NDRG3: variants seen among roughly 807,000 people sequenced by gnomAD.
NDRG3 encodes the protein NDRG family member 3.
Under a neutral mutation model 57.2 loss-of-function variants are expected in NDRG3, and 23 were observed. That is an observed-to-expected ratio of 0.40 (90% CI 0.29 to 0.57). The LOEUF is 0.57. Among genes scored for constraint, NDRG3 ranks in the 20% least tolerant of loss-of-function variants. The pLI, the probability that NDRG3 is intolerant of heterozygous loss-of-function variation, is 0.42. For missense variants in NDRG3, 384 were observed against 457.3 expected, an observed-to-expected ratio of 0.84 and a Z score of 1.46; for synonymous variants, 132 against 162.6, an observed-to-expected ratio of 0.81 and a Z score of 1.43.
intron 1 of NDRG3, among the ~76,000 whole-genome samples, chr20:36,733,203 T>TATATATATATATATATATGC (rs1490119338): frequency 7.7e-6 from 1 of 130,180 alleles, no homozygotes; most frequent in South Asian, 2.5e-4. Context: ...TATATATATA[T>TATATATATATATATATATGC]GCACATATAA....
At chr20:36,701,863 TAA>T (rs200584072) in intron 3 of NDRG3, among the ~76,000 whole-genome samples, 72 of 116,004 alleles carry the variant, frequency 6.2e-4, no homozygotes, top group Non-Finnish European at 6.3e-4. Context: ...CCTGCATCTT[TAA>T]AAAAAAAAAA....
chr20:36,691,494 A>G (rs1250560200), intron 3 of NDRG3, among the ~76,000 whole-genome samples: 1 of 152,186 alleles, frequency 6.6e-6, no homozygotes, highest in African/African-American at 2.4e-5. Context: ...CAGGCAGATC[A>G]TCTGAGGTCA....
chr20:36,729,454 G>A (rs1246346207), intron 1 of NDRG3, among the ~76,000 whole-genome samples: 2 of 152,268 alleles, frequency 1.3e-5, no homozygotes, highest in East Asian at 3.9e-4. Flanking sequence ...TCTAACATGT[G>A]ACCTCATCAC....
intron 3 of NDRG3, among the ~76,000 whole-genome samples, chr20:36,695,006 G>C (rs1027999654): frequency 2.0e-5 from 3 of 152,176 alleles, no homozygotes; most frequent in Non-Finnish European, 4.4e-5. Context: ...AGAGGGACCT[G>C]CTGAAGCCGT....
chr20:36,725,926 C>CT (rs35120120), intron 1 of NDRG3, among the ~76,000 whole-genome samples: 6,230 of 123,594 alleles, frequency 0.05, 460 homozygotes, highest in African/African-American at 0.14. Context: ...CCTAGTGTTC[C>CT]TTTTTTTTTT....
In NDRG3 at chr20:36,708,407, T is replaced by C. The variant is rs190753029; in HGVS notation, c.58-1400A>G. Among the ~76,000 whole-genome samples, 191 of 152,066 alleles carry C rather than the reference T, an allele frequency of 1.3e-3. 1 individual carries two copies. The highest frequency in any genetic ancestry group is 2.0e-3 in the Non-Finnish European group (134 of 67,986). On this transcript the variant is annotated intron_variant, in intron 2 of 15. Transcript: ENST00000349004. The stretch of plus-strand genomic sequence containing the variant: ...ACTTATGCCTGTAATCCTAGCACTT[T>C]GGGAGGCTGAGGGAAGTGGATCACC...
In NDRG3 at chr20:36,724,355, G is replaced by A. The variant is rs138460313; in HGVS notation, c.-48-2572C>T. Among the ~76,000 whole-genome samples, 955 of 152,116 alleles carry A rather than the reference G, an allele frequency of 6.3e-3. 4 individuals carry two copies. The highest frequency in any genetic ancestry group is 0.01 in the Non-Finnish European group (703 of 68,004). On this transcript the variant is annotated intron_variant, in intron 1 of 15. Transcript: ENST00000349004. Reference sequence around the variant, plus strand: ...AGGACAGTGGTTCTTTTGTCAGATCGCAGGCACCCATATACTTGATTGAGC... The same window carrying A: ...AGGACAGTGGTTCTTTTGTCAGATCACAGGCACCCATATACTTGATTGAGC...
At chr20:36,693,115 T>A (rs867838328) in intron 3 of NDRG3, among the ~76,000 whole-genome samples, 115 of 41,432 alleles carry the variant, frequency 2.8e-3, no homozygotes, top group Admixed American at 6.1e-3. Context: ...AATATATATA[T>A]ATATATATAT....
chr20:36,712,915 G>A (rs967318976), intron 2 of NDRG3, among the ~76,000 whole-genome samples: 8 of 151,780 alleles, frequency 5.3e-5, no homozygotes, highest in African/African-American at 9.7e-5. Flanking sequence ...TTCCTTCTGA[G>A]ACAGAGTCTT....
At chr20:36,671,619 G>A (rs1382715933) in intron 8 of NDRG3, among the ~76,000 whole-genome samples, 3 of 152,140 alleles carry the variant, frequency 2.0e-5, no homozygotes, top group East Asian at 1.9e-4. Context: ...TGGCTAACAC[G>A]GTGAAACCCT....
At chr20:36,735,401 C>T (rs1985552180) in intron 1 of NDRG3, among the ~76,000 whole-genome samples, 1 of 152,160 alleles carries the variant, frequency 6.6e-6, no homozygotes, top group Non-Finnish European at 1.5e-5. Flanking sequence ...ACCTGAAACA[C>T]TTCTGGTCCC....
chr20:36,665,241 T>C lies in NDRG3; in HGVS notation c.753A>G (p.Thr251=). 1 of 1,614,162 alleles carries C rather than the reference T, an allele frequency of 6.2e-7. No homozygotes were observed. Among genetic ancestry groups the C allele is most frequent in the Admixed American group, 1.7e-5 (1 of 60,012 alleles). ...GAGGAAACTGAGGAACTTACTTTAATGTTTTTGATTTGTTATCATTTTGGC... is the reference window on the plus strand; with the variant it reads ...GAGGAAACTGAGGAACTTACTTTAACGTTTTTGATTTGTTATCATTTTGGC... ...ILGQNDNKSK[T]LKCSTLLVVG... is the part of the protein sequence containing the mutation. The change falls in exon 11 of 16, where the codon ACA becomes ACG. Residue 251 remains threonine, a synonymous_variant. Coordinates refer to ENST00000349004, the MANE Select transcript of NDRG3 (RefSeq NM_032013.4).
intron 2 of NDRG3, among the ~76,000 whole-genome samples, 160 bp from the exon 3 acceptor site, chr20:36,707,167 T>C (rs1399929929): frequency 1.3e-5 from 2 of 152,228 alleles, no homozygotes; most frequent in South Asian, 2.1e-4. Context: ...GAGTGGGTTA[T>C]GAACATGTGT....
intron 1 of NDRG3, among the ~76,000 whole-genome samples, chr20:36,724,256 C>T (rs1296879416): frequency 2.0e-5 from 3 of 152,166 alleles, no homozygotes; most frequent in African/African-American, 7.2e-5. Context: ...ATGAACCCCA[C>T]ATGCTAACTG....
Position 36,682,549 on chromosome 20 carries a change from C to T in NDRG3, c.413G>A (p.Gly138Glu). 4 of 1,614,062 alleles carry T rather than the reference C, an allele frequency of 2.5e-6. No individual in the cohort carries two copies. The highest frequency in any genetic ancestry group is 3.4e-6 in the Non-Finnish European group (4 of 1,179,934). ...SLKSIIGIGV[G>E]AGAYILSRFA... ...TCTGCTGAGGATGTAAGCTCCAGCT[C>T]CAACTCCAATTCCAATGATGCTTTT... Residue 138 changes from glycine (G) to glutamate (E), a missense_variant, in exon 7 of 16, where the codon GGA becomes GAA. By Grantham distance (98) the Gly-to-Glu change is moderately conservative (BLOSUM62 -2). Coordinates refer to ENST00000349004, the MANE Select transcript of NDRG3 (RefSeq NM_032013.4).
In NDRG3 at chr20:36,682,578, G is replaced by A. The variant is rs528973410; in HGVS notation, c.384C>T (p.Ser128=). Reference sequence around the variant, plus strand: ...CTCCAATTCCAATGATGCTTTTCAGGCTGTGAATGGGACATAACGACAACT... The same window carrying A: ...CTCCAATTCCAATGATGCTTTTCAGACTGTGAATGGGACATAACGACAACT... ...EMLPPVLTHL[S]LKSIIGIGVG... The change falls in exon 7 of 16, where the codon AGC becomes AGT. Residue 128 remains serine (S), a splice_region_variant and synonymous_variant. Transcript: ENST00000349004. 1.9e-6 allele frequency: 3 copies of A among 1,613,598 alleles called. No individual in the cohort carries two copies. The South Asian group carries it at 3.3e-5, about 18-fold the overall frequency.
intron 6 of NDRG3, among the ~76,000 whole-genome samples, chr20:36,684,011 T>A (rs1232515208): frequency 6.6e-6 from 1 of 152,214 alleles, no homozygotes; most frequent in South Asian, 2.1e-4. Context: ...TTTTATTTTT[T>A]AGATACAGGG....
intron 2 of NDRG3, among the ~76,000 whole-genome samples, chr20:36,709,617 A>C (rs1208695424): frequency 6.6e-6 from 1 of 152,250 alleles, no homozygotes; most frequent in Admixed American, 6.5e-5. Context: ...CATGGCTCCT[A>C]CTAGCCCTAA....
At chr20:36,668,841 A>G (rs1242763350) in intron 9 of NDRG3, among the ~76,000 whole-genome samples, 1 of 151,624 alleles carries the variant, frequency 6.6e-6, no homozygotes, top group East Asian at 1.9e-4. Flanking sequence ...AAATATATAT[A>G]TATATGTAAC....
Sources: allele counts gnomAD v4.1 joint callset (sites outside exome capture counted in the v4.1 genomes callset), GRCh38; gene constraint gnomAD v4.1.1; transcripts MANE v1.5; gene names NCBI Gene and HGNC (gene_info 2026-07-23, HGNC 2026-07-21).